The following BCAN variants were observed in gnomAD, a reference collection of about 807,000 sequenced individuals.
BCAN encodes brevican.
In BCAN, 51 loss-of-function variants were observed where a neutral mutation model predicts 92.4. The observed-to-expected ratio is 0.55, with a 90% CI of 0.44 to 0.70. The LOEUF (loss-of-function observed/expected upper bound fraction) is 0.70, where lower values mean the gene tolerates loss of function less well. Among genes scored for constraint, BCAN ranks in the 30% least tolerant of loss-of-function variants. The pLI is 0.00. For missense variants in BCAN, 1,140 were observed against 1,212.1 expected, an observed-to-expected ratio of 0.94 and a Z score of 0.88; for synonymous variants, 501 against 505.2, an observed-to-expected ratio of 0.99 and a Z score of 0.11.
intron 2 of BCAN, 151 bp from the exon 3 acceptor site, chr1:156,646,650 A>ACCTTGGC: frequency 1.7e-6 from 2 of 1,185,802 alleles, no homozygotes; most frequent in African/African-American, 3.1e-5. Context: ...GGGCTGCAGG[A>ACCTTGGC]CCCTGGCCCC....
chr1:156,647,540 C>T lies in BCAN; in HGVS notation c.499C>T (p.Arg167Cys), dbSNP rs1177410377. 6 of 1,599,482 alleles carry T rather than the reference C, an allele frequency of 3.8e-6. No homozygotes were observed. The highest frequency in any genetic ancestry group is 2.2e-5 in the East Asian group (1 of 44,794). Residue 167 changes from arginine to cysteine, a missense_variant, in exon 4 of 14, where the codon CGC (arginine) becomes TGC (cysteine). Coordinates refer to ENST00000329117, the MANE Select transcript of BCAN (RefSeq NM_021948.5). This position sits in a 1 kb window ranked among gnomAD's most constrained non-coding sequence, Gnocchi z 4.8. ...CTTTCTCTACCGAGAGGGCTCTGCCCGCTATGCTTTCTCCTTTTCTGGGGC... is the reference window on the plus strand; with the variant it reads ...CTTTCTCTACCGAGAGGGCTCTGCCTGCTATGCTTTCTCCTTTTCTGGGGC... The part of the protein sequence containing the change: ...VVFLYREGSA[R>C]YAFSFSGAQE...
chr1:156,646,243 C>A, intron 2 of BCAN, 98 bp downstream of exon 2: 1 of 1,171,508 alleles, frequency 8.5e-7, no homozygotes, highest in Non-Finnish European at 1.2e-6. Context: ...AATTGGAGGG[C>A]TGTGGGGAAG....
At position 156,648,175 on chromosome 1, in the gene BCAN, C is replaced by T. The variant is rs1003231751; in HGVS notation, c.769+65C>T. ...CTCCCATGCTGCCCATAGGTCCTCC[C>T]GGGGCCTCTGCAGGACCTTACTATC... On this transcript the variant is annotated intron_variant, in intron 5 of 13. Transcript: ENST00000329117. 5.1e-6 allele frequency: 8 copies of T among 1,584,068 alleles called. No homozygotes were observed. The Admixed American group carries it at 8.4e-5, about 17-fold the overall frequency.
intron 5 of BCAN, 73 bp from the exon 6 acceptor site, chr1:156,648,495 G>A (rs1442282719): frequency 5.5e-6 from 8 of 1,458,134 alleles, no homozygotes; most frequent in Non-Finnish European, 7.4e-6. Context: ...AGCTTGCCCA[G>A]GGTTCCCATG....
In BCAN at chr1:156,647,395, G is replaced by A. The variant is rs750917999; in HGVS notation, c.467-113G>A. 9.5e-5 allele frequency: 117 copies of A among 1,232,524 alleles called. No homozygotes were observed. The highest frequency in any genetic ancestry group is 1.3e-4 in the Non-Finnish European group (114 of 890,672). 76.3% of individuals were successfully genotyped at this position (1,232,524 alleles called of 1,614,324 possible). A position where few individuals can be genotyped will look rare whatever the true frequency, so the allele number is the denominator to read the frequency against. Reference sequence around the variant, plus strand: ...TAACTTAAGTCCCTCATGCTGTAGAGTGAGCACAATTGAACTTTATTTACC... The same window carrying A: ...TAACTTAAGTCCCTCATGCTGTAGAATGAGCACAATTGAACTTTATTTACC... On this transcript the variant is annotated intron_variant, in intron 3 of 13. Transcript: ENST00000329117. This position sits in a 1 kb window ranked among gnomAD's most constrained non-coding sequence, Gnocchi z 4.8.
rs771794683 is a variant in BCAN at position 156,658,596 on chromosome 1, C to T, written c.2491C>T (p.Arg831Trp). ...CCTGGCTCAAGTGTTCGGCCGCCCA[C>T]GGCTGCGCTATGAGGTGGACACTGT... is the stretch of plus-strand genomic sequence containing the variant. ...LPLAQVFGRP[R>W]LRYEVDTVLR... The change falls in exon 13 of 14, where the codon CGG becomes TGG. Residue 831 changes from arginine to tryptophan, a missense_variant. Arg to Trp is a moderately radical substitution (Grantham distance 101). Transcript: ENST00000329117. This position sits in a 1 kb window ranked among gnomAD's most constrained non-coding sequence, Gnocchi z 4.4. 3.5e-5 allele frequency: 56 copies of T among 1,613,940 alleles called. No homozygotes were observed. Among genetic ancestry groups the T allele is most frequent in the Admixed American group, 6.7e-5 (4 of 60,010 alleles).
Position 156,648,730 on chromosome 1 carries a change from T to C in BCAN, c.932T>C (p.Val311Ala). The C allele has an allele frequency of 6.2e-7, 1 of 1,613,346 alleles. No individual in the cohort carries two copies. Among genetic ancestry groups the C allele is most frequent in the Non-Finnish European group, 8.5e-7 (1 of 1,179,332 alleles). Residue 311 changes from valine (V) to alanine (A), a missense_variant, in exon 6 of 14, where the codon GTG becomes GCG. By Grantham distance (64) the Val-to-Ala change is moderately conservative. This residue lies in a region of BCAN where 825 missense variants were observed against 871.8 expected (regional missense o/e 0.95). Coordinates refer to ENST00000329117, the MANE Select transcript of BCAN (RefSeq NM_021948.5). ...CSPGWLADGS[V>A]RYPIVTPSQR... Reference sequence around the variant, plus strand: ...CCAGGGTGGCTAGCTGATGGCAGTGTGCGCTACCCCATCGTCACACCCAGC... The same window carrying C: ...CCAGGGTGGCTAGCTGATGGCAGTGCGCGCTACCCCATCGTCACACCCAGC...
chr1:156,651,657 A>G lies in BCAN; in HGVS notation c.1265A>G (p.Glu422Gly), dbSNP rs760366866. The change falls in exon 7 of 14, where the codon GAA becomes GGA. Residue 422 changes from glutamate (E) to glycine (G), a missense_variant. Glu to Gly is a moderately conservative substitution (Grantham distance 98, BLOSUM62 -2). This residue lies in a region of BCAN where 825 missense variants were observed against 871.8 expected (regional missense o/e 0.95). Coordinates refer to ENST00000329117, the MANE Select transcript of BCAN (RefSeq NM_021948.5). ...EDGGGGSSTP[E>G]DPAEAPRTLL... ...GGAGGAGGTGGAAGCTCCACTCCAGAAGACCCAGCAGAGGCCCCTAGGACG... is the reference window on the plus strand; with the variant it reads ...GGAGGAGGTGGAAGCTCCACTCCAGGAGACCCAGCAGAGGCCCCTAGGACG... The G allele has an allele frequency of 2.0e-5, 33 of 1,613,360 alleles. No homozygotes were observed. Among genetic ancestry groups the G allele is most frequent in the Non-Finnish European group, 2.5e-5 (29 of 1,179,976 alleles).
chr1:156,648,771 G>T lies in BCAN; in HGVS notation c.973G>T (p.Gly325Cys), dbSNP rs1450336679. 1.4e-5 allele frequency: 22 copies of T among 1,608,966 alleles called. No individual in the cohort carries two copies. Among genetic ancestry groups the T allele is most frequent in the Non-Finnish European group, 1.8e-5 (21 of 1,175,918 alleles). The change falls in exon 6 of 14, where the codon GGC becomes TGC. Residue 325 changes from glycine (G) to cysteine (C), a missense_variant. This residue lies in a region of BCAN where 825 missense variants were observed against 871.8 expected (regional missense o/e 0.95). Transcript: ENST00000329117. ...IVTPSQRCGG[G>C]LPGVKTLFLF... ...CACACCCAGCCAGCGCTGTGGTGGG[G>T]GCTTGCCTGGTGTCAAGACTCTCTT...
chr1:156,648,653 C>T lies in BCAN; in HGVS notation c.855C>T (p.Ala285=), dbSNP rs1679062999. 6.2e-7 allele frequency: 1 copy of T among 1,613,152 alleles called. No individual in the cohort carries two copies. Among genetic ancestry groups the T allele is most frequent in the South Asian group, 1.1e-5 (1 of 91,062 alleles). Residue 285 remains alanine, a synonymous_variant, in exon 6 of 14, where the codon GCC becomes GCT. Transcript: ENST00000329117. ...GCCAGGAGCGGGGTGCAGAGATTGC[C>T]ACCACGGGCCAACTGTATGCAGCCT... ...AYCQERGAEI[A]TTGQLYAAWD...
chr1:156,657,505 C>T, intron 10 of BCAN, 170 bp from the exon 11 acceptor site: 1 of 577,588 alleles, frequency 1.7e-6, no homozygotes, highest in East Asian at 3.0e-5. Flanking sequence ...CCCCCATTCC[C>T]CTGCTTTCCA....
Position 156,658,689 on chromosome 1 carries a change from G to C in BCAN, c.2584G>C (p.Gly862Arg). 1 of 1,614,142 alleles carries C rather than the reference G, an allele frequency of 6.2e-7. No individual in the cohort carries two copies. ...GCCGCTGATCCGATGCCAAGAGAAC[G>C]GTCGTTGGGAGGCCCCCCAGATCTC... is the stretch of plus-strand genomic sequence containing the variant. ...NLPLIRCQEN[G>R]RWEAPQISCV... The change falls in exon 13 of 14, where the codon GGT becomes CGT. Residue 862 changes from glycine (G) to arginine (R), a missense_variant. By Grantham distance (125) the Gly-to-Arg change is moderately radical (BLOSUM62 -2). Transcript: ENST00000329117. The surrounding 1 kb of genome is among the most constrained non-coding windows in gnomAD (Gnocchi z 4.4).
chr1:156,652,996 A>C, intron 8 of BCAN, 104 bp downstream of exon 8: 1 of 1,546,980 alleles, frequency 6.5e-7, no homozygotes. Flanking sequence ...CCATCATCCC[A>C]AACTCTCCTG....
At chr1:156,648,433 A>T in intron 5 of BCAN, 135 bp from the exon 6 acceptor site, 1 of 997,898 alleles carries the variant, frequency 1.0e-6, no homozygotes, top group Non-Finnish European at 1.5e-6. Context: ...TCAGACTATG[A>T]TCCTATGAAG....
intron 6 of BCAN, chr1:156,650,014 T>C (rs1326536892): frequency 2.0e-6 from 1 of 510,394 alleles, no homozygotes; most frequent in East Asian, 5.5e-5. Context: ...GAGAAAAGCA[T>C]TACTTCCATT....
chr1:156,647,390 G>A lies in BCAN; in HGVS notation c.467-118G>A, dbSNP rs1191533697. ...CAATCTAACTTAAGTCCCTCATGCT[G>A]TAGAGTGAGCACAATTGAACTTTAT... On this transcript the variant is annotated intron_variant, in intron 3 of 13. Coordinates refer to ENST00000329117, the MANE Select transcript of BCAN (RefSeq NM_021948.5). The surrounding 1 kb of genome is among the most constrained non-coding windows in gnomAD (Gnocchi z 4.8). The A allele has an allele frequency of 4.1e-6, 5 of 1,210,892 alleles. No individual in the cohort carries two copies. In the African/African-American group the frequency reaches 6.1e-5, roughly 15 times the overall value. 75.0% of individuals were successfully genotyped at this position (1,210,892 alleles called of 1,614,324 possible).
At chr1:156,648,227 G>T in intron 5 of BCAN, 117 bp downstream of exon 5, 1 of 1,370,904 alleles carries the variant, frequency 7.3e-7, no homozygotes, top group Non-Finnish European at 1.0e-6. Flanking sequence ...GGGCAAGCAG[G>T]AGTAAGGAGA....
At chr1:156,646,586 CTT>C (rs1678971706) in intron 2 of BCAN, 2 of 719,542 alleles carry the variant, frequency 2.8e-6, no homozygotes, top group South Asian at 4.9e-5. Context: ...GACTGGGAGA[CTT>C]TGGGGGATGG....
rs758265680 is a variant in BCAN at position 156,647,506 on chromosome 1, AG to A, written c.469del. 1 of 1,554,890 alleles carries A rather than the reference AG, an allele frequency of 6.4e-7. No individual in the cohort carries two copies. The highest frequency in any genetic ancestry group is 8.7e-7 in the Non-Finnish European group (1 of 1,152,820). ...GGCTCAGGGGTCCTCTCTGCCCCAC[AG>A]GGGTCGTCTTTCTCTACCGAGAGGG... On this transcript the variant is annotated splice_acceptor_variant, in intron 3 of 13. Transcript: ENST00000329117. LOFTEE classifies it high-confidence loss of function. The surrounding 1 kb of genome is among the most constrained non-coding windows in gnomAD (Gnocchi z 4.8).
Sources: gnomAD v4.1 joint callset for allele counts on GRCh38, gnomAD v4.1.1 for gene constraint, gnomAD v4.1.1 regional missense constraint, Gnocchi (gnomAD v3.1) non-coding constraint, MANE v1.5 for transcripts, NCBI Gene and HGNC (gene_info 2026-07-23, HGNC 2026-07-21) for gene names.